DSCAML1: variants seen among roughly 807,000 people sequenced by gnomAD.
DSCAML1 encodes the protein DS cell adhesion molecule like 1.
In DSCAML1, 38 loss-of-function variants were observed where a neutral mutation model predicts 200.5. That is an observed-to-expected ratio of 0.19 (90% CI 0.15 to 0.25). The LOEUF (loss-of-function observed/expected upper bound fraction) is 0.25, where lower values mean the gene tolerates loss of function less well. Among genes scored for constraint, DSCAML1 ranks in the 10% least tolerant of loss-of-function variants. The pLI is 1.00. For synonymous variants in DSCAML1, 1,215 were observed against 1,165.0 expected (o/e 1.04, Z -0.87); for missense variants, 2,223 against 2,858.8 (o/e 0.78, Z 5.07).
chr11:117,683,779 T>C (rs575558134), intron 3 of DSCAML1, among the ~76,000 whole-genome samples: 32 of 152,316 alleles, frequency 2.1e-4, no homozygotes, highest in Middle Eastern at 3.4e-3. Flanking sequence ...ACAGTACACA[T>C]TTTTATAAGT....
At chr11:117,753,543 C>T (rs1223142374) in intron 3 of DSCAML1, among the ~76,000 whole-genome samples, 2 of 152,214 alleles carry the variant, frequency 1.3e-5, no homozygotes, top group East Asian at 3.8e-4. Context: ...AGTGTCTGAG[C>T]AGGGATAGCA....
intron 3 of DSCAML1, among the ~76,000 whole-genome samples, chr11:117,637,642 G>A (rs758105574): frequency 6.6e-5 from 10 of 152,172 alleles, no homozygotes; most frequent in Non-Finnish European, 7.4e-5. Context: ...ACTGCTCCCC[G>A]CCCTCAATAA....
intron 1 of DSCAML1, among the ~76,000 whole-genome samples, chr11:117,794,527 G>A (rs914294431): frequency 3.9e-5 from 6 of 152,042 alleles, no homozygotes; most frequent in African/African-American, 7.2e-5. Context: ...TCCAAAGGAT[G>A]CTCCATCTCA....
At chr11:117,677,546 C>A (rs183445189) in intron 3 of DSCAML1, among the ~76,000 whole-genome samples, 1 of 151,596 alleles carries the variant, frequency 6.6e-6, no homozygotes, top group Non-Finnish European at 1.5e-5. Flanking sequence ...TCTGTGGCTG[C>A]GGGGCAGGGG....
rs190348462 is a variant in DSCAML1, at chr11:117,577,003, C to A, written c.512-44481G>T. On this transcript the variant is annotated intron_variant, in intron 3 of 32. Coordinates refer to ENST00000651296, the MANE Select transcript of DSCAML1 (RefSeq NM_020693.4). ...GAATCCTTGATTGAGAATTTAATTTCTTCTTCTATATGGCAAATCATACCC... is the reference window on the plus strand; with the variant it reads ...GAATCCTTGATTGAGAATTTAATTTATTCTTCTATATGGCAAATCATACCC... 3.2e-3 allele frequency among the ~76,000 whole-genome samples: 494 copies of A among 152,302 alleles called. 1 individual carries two copies. Among genetic ancestry groups the A allele is most frequent in the African/African-American group, 0.011 (471 of 41,556 alleles).
chr11:117,717,173 C>T (rs1209167757), intron 3 of DSCAML1, among the ~76,000 whole-genome samples: 2 of 152,196 alleles, frequency 1.3e-5, no homozygotes, highest in South Asian at 2.1e-4. Flanking sequence ...CGAAGATGGT[C>T]GATCAGGCTG....
At chr11:117,617,675 TACACGCACACACACACAC>T (rs2051836786) in intron 3 of DSCAML1, among the ~76,000 whole-genome samples, 2 of 107,652 alleles carry the variant, frequency 1.9e-5, no homozygotes, top group Admixed American at 1.0e-4. Flanking sequence ...AACACACAGG[TACACGCACACACACACAC>T]ACACACACAC....
intron 11 of DSCAML1, among the ~76,000 whole-genome samples, chr11:117,495,138 T>G (rs2049266416): frequency 3.3e-5 from 5 of 152,002 alleles, no homozygotes; most frequent in Admixed American, 3.3e-4. Context: ...TGGGCCAGGG[T>G]AGGGGGGCTT....
At chr11:117,794,040 C>G (rs890635437) in intron 1 of DSCAML1, among the ~76,000 whole-genome samples, 1 of 151,756 alleles carries the variant, frequency 6.6e-6, no homozygotes, top group Non-Finnish European at 1.5e-5. Context: ...TTGCCCCCCC[C>G]CCCTTTTTTT....
At chr11:117,703,581 A>G (rs2068412) in intron 3 of DSCAML1, among the ~76,000 whole-genome samples, 8,956 of 152,116 alleles carry the variant, frequency 0.059, 675 homozygotes, top group African/African-American at 0.18. Context: ...TATTATCAAA[A>G]CTCAAAATAC....
chr11:117,609,035 C>CAAACAAA (rs747841159), intron 3 of DSCAML1, among the ~76,000 whole-genome samples: 1 of 110,866 alleles, frequency 9.0e-6, no homozygotes, highest in African/African-American at 3.6e-5. Context: ...AACAAACAAA[C>CAAACAAA]AAAAAAAACA....
intron 3 of DSCAML1, among the ~76,000 whole-genome samples, chr11:117,631,982 A>G (rs35186517): frequency 6.6e-6 from 1 of 152,154 alleles, no homozygotes; most frequent in Admixed American, 6.5e-5. Flanking sequence ...TGCAGATAAG[A>G]ATGTTGCAGC....
intron 3 of DSCAML1, among the ~76,000 whole-genome samples, chr11:117,773,219 T>C (rs1218344822): frequency 1.3e-5 from 2 of 152,156 alleles, no homozygotes; most frequent in Non-Finnish European, 2.9e-5. Flanking sequence ...TGCACCCACA[T>C]GAGGGCCCCC....
At chr11:117,594,603 C>T (rs113046228) in intron 3 of DSCAML1, among the ~76,000 whole-genome samples, 3 of 152,352 alleles carry the variant, frequency 2.0e-5, no homozygotes, top group Non-Finnish European at 2.9e-5. Context: ...GTGTCCCCAG[C>T]GGGCTGGGTT....
chr11:117,633,576 T>C (rs1368455382), intron 3 of DSCAML1, among the ~76,000 whole-genome samples: 1 of 152,194 alleles, frequency 6.6e-6, no homozygotes, highest in Non-Finnish European at 1.5e-5. Context: ...GACATTGCAA[T>C]ACCAACCTCG....
At chr11:117,442,278 A>C (rs1485482843) in intron 21 of DSCAML1, among the ~76,000 whole-genome samples, 3 of 148,440 alleles carry the variant, frequency 2.0e-5, no homozygotes, top group African/African-American at 7.6e-5. Context: ...ATTAGTGTGT[A>C]TAGTGTGTAT....
intron 3 of DSCAML1, among the ~76,000 whole-genome samples, chr11:117,685,582 G>A (rs1210945231): frequency 3.3e-5 from 5 of 152,144 alleles, no homozygotes; most frequent in African/African-American, 7.2e-5. Flanking sequence ...GTTCCAGCAC[G>A]GGTGCCTACA....
At chr11:117,772,283 G>T (rs369642072) in intron 3 of DSCAML1, among the ~76,000 whole-genome samples, 1 of 152,152 alleles carries the variant, frequency 6.6e-6, no homozygotes, top group Non-Finnish European at 1.5e-5. Context: ...AAGGTGGGCT[G>T]CAGGGAGGAA....
chr11:117,579,484 C>T (rs1396856162), intron 3 of DSCAML1, among the ~76,000 whole-genome samples: 1 of 152,200 alleles, frequency 6.6e-6, no homozygotes, highest in Non-Finnish European at 1.5e-5. Flanking sequence ...CCCTGATCTC[C>T]ACACAGTTGG....
Sources: allele counts gnomAD v4.1 joint callset (sites outside exome capture counted in the v4.1 genomes callset), GRCh38; gene constraint gnomAD v4.1.1; transcripts MANE v1.5; gene names NCBI Gene and HGNC (gene_info 2026-07-23, HGNC 2026-07-21).